Variants in TGS1 observed in about 807,000 individuals in gnomAD.
TGS1 encodes the protein trimethylguanosine synthase.
A neutral mutation model predicts 92.2 loss-of-function variants in TGS1; 69 were observed. The ratio of observed to expected loss-of-function variants is 0.75; its 90% CI spans 0.62 to 0.91. The LOEUF is 0.91. TGS1 is among the 40% of genes least tolerant of loss of function. The pLI is 0.00. For missense variants in TGS1, 1,062 were observed against 1,001.2 expected, an observed-to-expected ratio of 1.06 and a Z score of -0.82; for synonymous variants, 345 against 338.1, an observed-to-expected ratio of 1.02 and a Z score of -0.22.
At chr8:55,822,100 C>T (rs1215887812) in intron 12 of TGS1, among the ~76,000 whole-genome samples, 2 of 149,672 alleles carry the variant, frequency 1.3e-5, no homozygotes, top group Non-Finnish European at 3.0e-5. Flanking sequence ...GGCAGAGTCT[C>T]ACTCTGTCGC....
At chr8:55,795,414 C>T (rs188433585) in intron 6 of TGS1, among the ~76,000 whole-genome samples, 18 of 152,228 alleles carry the variant, frequency 1.2e-4, no homozygotes, top group Non-Finnish European at 2.2e-4. Flanking sequence ...AACAGTTTGT[C>T]GGAGAGGGAG....
At chr8:55,816,793 T>C (rs1585794405) in intron 12 of TGS1, among the ~76,000 whole-genome samples, 1 of 152,292 alleles carries the variant, frequency 6.6e-6, no homozygotes, top group African/African-American at 2.4e-5. Flanking sequence ...ACAAATTAAC[T>C]AATACTTAAA....
chr8:55,793,123 C>T (rs1811929910), intron 6 of TGS1, among the ~76,000 whole-genome samples: 1 of 152,214 alleles, frequency 6.6e-6, no homozygotes, highest in Admixed American at 6.5e-5. Context: ...CACATGTGTA[C>T]ATCTGAAGAC....
intron 1 of TGS1, among the ~76,000 whole-genome samples, chr8:55,777,905 T>TAA (rs747355895): frequency 0.17 from 22,071 of 129,472 alleles, 1,799 homozygotes; most frequent in African/African-American, 0.32. Context: ...AATTTAAATT[T>TAA]TTTTTTTTTT....
chr8:55,773,477 G>A lies in TGS1; in HGVS notation c.-142G>A. The A allele has an allele frequency of 5.1e-6, 3 of 585,020 alleles. No individual in the cohort carries two copies. The highest frequency in any genetic ancestry group is 3.9e-5 in the Admixed American group (1 of 25,746). The allele number at this position is 585,020 out of a possible 1,614,324, so 36.2% of individuals were successfully genotyped here. On this transcript the variant is annotated 5_prime_UTR_variant, in exon 1 of 13. Transcript: ENST00000260129. ...GGCGGCAGCGTCCGGGCTAGTTCCC[G>A]GCGCGAGCGGCCGCGGGCCAGTTTC...
rs1179119316 is a variant in TGS1 at position 55,790,223 on chromosome 8, C to A, written c.1204C>A (p.Pro402Thr). 8 of 1,614,000 alleles carry A rather than the reference C, an allele frequency of 5.0e-6. No homozygotes were observed. The South Asian group carries it at 6.6e-5, about 13-fold the overall frequency. The change falls in exon 5 of 13, where the codon CCA (proline) becomes ACA (threonine). Residue 402 changes from proline (P) to threonine (T), a missense_variant. Transcript: ENST00000260129. ...SSGANTSKDR[P>T]HASGTDGDES... ...AGGAGCAAACACAAGCAAAGACAGA[C>A]CACATGCCAGTGGTACTGATGGAGA...
chr8:55,779,286 A>G (rs1269328774), intron 1 of TGS1, among the ~76,000 whole-genome samples: 1 of 152,232 alleles, frequency 6.6e-6, no homozygotes, highest in Admixed American at 6.5e-5. Flanking sequence ...TTTAAGTAAG[A>G]AACAGTTTTC....
chr8:55,822,409 A>G (rs563415991), intron 12 of TGS1, among the ~76,000 whole-genome samples: 20 of 152,296 alleles, frequency 1.3e-4, no homozygotes, highest in African/African-American at 4.6e-4. Flanking sequence ...AATTATTGGT[A>G]GAACTGGGGA....
chr8:55,796,374 G>A (rs72651438), intron 7 of TGS1, among the ~76,000 whole-genome samples: 5,657 of 152,144 alleles, frequency 0.037, 143 homozygotes, highest in Non-Finnish European at 0.059. Context: ...AAGCTACAAA[G>A]TACTAGTGTC....
intron 12 of TGS1, among the ~76,000 whole-genome samples, chr8:55,817,519 T>C (rs1291564787): frequency 2.0e-5 from 3 of 152,216 alleles, no homozygotes; most frequent in Non-Finnish European, 4.4e-5. Context: ...ACAATAAAAA[T>C]TTATCACAGA....
Position 55,782,764 on chromosome 8 carries a change from A to C in TGS1, c.118A>C (p.Asn40His). The C allele has an allele frequency of 6.2e-7, 1 of 1,611,008 alleles. No individual in the cohort carries two copies. The highest frequency in any genetic ancestry group is 8.5e-7 in the Non-Finnish European group (1 of 1,179,098). Reference protein sequence around the residue: ...RAFVEDRKLYNLGLKGYYIRD... With the variant: ...RAFVEDRKLYHLGLKGYYIRD... ...GCTTCGCAGGGATCGAAAATTGTAC[A>C]ATTTGGGATTAAAAGGCTATTACAT... Residue 40 changes from asparagine to histidine, a missense_variant, in exon 2 of 13, where the codon AAT becomes CAT. Transcript: ENST00000260129.
At chr8:55,822,059 C>CT (rs1294282484) in intron 12 of TGS1, among the ~76,000 whole-genome samples, 2 of 150,160 alleles carry the variant, frequency 1.3e-5, no homozygotes, top group African/African-American at 2.5e-5. Context: ...ACAATATTGG[C>CT]TTTTTTTTCT....
chr8:55,822,511 C>T (rs946140070), intron 12 of TGS1, among the ~76,000 whole-genome samples: 1 of 151,438 alleles, frequency 6.6e-6, no homozygotes, highest in African/African-American at 2.4e-5. Flanking sequence ...AAATGATAAA[C>T]TGTTCAAAAT....
intron 10 of TGS1, among the ~76,000 whole-genome samples, chr8:55,808,044 G>A (rs1008371961): frequency 6.6e-6 from 1 of 152,198 alleles, no homozygotes; most frequent in East Asian, 1.9e-4. Context: ...GGTCTAGTCA[G>A]AGAAACTGAC....
intron 6 of TGS1, among the ~76,000 whole-genome samples, chr8:55,794,564 A>G (rs1342780070): frequency 6.6e-6 from 1 of 152,208 alleles, no homozygotes; most frequent in African/African-American, 2.4e-5. Context: ...AGAGGTTGAG[A>G]CTAGCCTGGG....
rs1337906790 is a variant in TGS1 at position 55,826,386 on chromosome 8, C to T, written c.*1683C>T. ...GTTAGCTAAAACTAAGATATTGCTG[C>T]CCACTAATCACACAGGGATAAAACT... On this transcript the variant is annotated 3_prime_UTR_variant, in exon 13 of 13. Coordinates refer to ENST00000260129, the MANE Select transcript of TGS1 (RefSeq NM_024831.8). 1.3e-5 allele frequency among the ~76,000 whole-genome samples: 2 copies of T among 152,124 alleles called. No homozygotes were observed. The highest frequency in any genetic ancestry group is 1.3e-4 in the Admixed American group (2 of 15,264).
intron 10 of TGS1, among the ~76,000 whole-genome samples, chr8:55,810,101 A>G (rs535284508): frequency 1.3e-5 from 2 of 152,336 alleles, no homozygotes; most frequent in African/African-American, 2.4e-5. Context: ...GGAAACTAGC[A>G]TTTTCTGGAA....
chr8:55,777,604 A>G (rs909122234), intron 1 of TGS1, among the ~76,000 whole-genome samples: 1 of 151,302 alleles, frequency 6.6e-6, no homozygotes, highest in Non-Finnish European at 1.5e-5. Context: ...CAGTGGCATG[A>G]TCTCGGCTCA....
chr8:55,799,357 A>G (rs1812155024), intron 8 of TGS1, 137 bp downstream of exon 8: 1 of 825,510 alleles, frequency 1.2e-6, no homozygotes, highest in Non-Finnish European at 1.8e-6. Context: ...GAGAGAAGGC[A>G]TATTAAGTGT....
Sources: allele counts gnomAD v4.1 joint callset (sites outside exome capture counted in the v4.1 genomes callset), GRCh38; gene constraint gnomAD v4.1.1; transcripts MANE v1.5; gene names NCBI Gene and HGNC (gene_info 2026-07-23, HGNC 2026-07-21).